The following RBFOX1 variants were observed in gnomAD, a reference collection of about 807,000 sequenced individuals.
The protein encoded by RBFOX1 is RNA binding protein fox-1 homolog 1.
Under a neutral mutation model 57.7 loss-of-function variants are expected in RBFOX1, and 8 were observed. The observed-to-expected ratio is 0.14, with a 90% CI of 0.08 to 0.25. The LOEUF is 0.25. RBFOX1 is among the 10% of genes least tolerant of loss of function. RBFOX1 has a pLI of 1.00. For synonymous variants in RBFOX1, 326 were observed against 222.4 expected (o/e 1.47, Z -4.15); for missense variants, 611 against 548.5 (o/e 1.11, Z -1.14).
At position 5,413,626 on chromosome 16, in the gene RBFOX1, A is replaced by G. The variant is rs751325268; in HGVS notation, c.220-53590A>G. 2.0e-5 allele frequency among the ~76,000 whole-genome samples: 3 copies of G among 152,118 alleles called. No homozygotes were observed. In the East Asian group the frequency reaches 5.8e-4, roughly 29 times the overall value. ...CAGTGCCTGTCTAGGGCATTTATTC[A>G]TTCGTTTAACTCTCATTACTGAGGA... On this transcript the variant is annotated intron_variant, in intron 1 of 2. Transcript: ENST00000585867.
intron 3 of RBFOX1, among the ~76,000 whole-genome samples, chr16:6,679,471 T>G (rs2058282042): frequency 6.6e-6 from 1 of 152,258 alleles, no homozygotes; most frequent in South Asian, 2.1e-4. Context: ...TTCTTTGACC[T>G]GGGAAGTTTC....
At chr16:5,588,606 G>C (rs771243857) in intron 2 of RBFOX1, among the ~76,000 whole-genome samples, 3 of 152,128 alleles carry the variant, frequency 2.0e-5, no homozygotes, top group Non-Finnish European at 2.9e-5. Flanking sequence ...CGTATTTAAG[G>C]GCAACAGTCC....
rs139440108 is a variant in RBFOX1 at position 6,971,020 on chromosome 16, T to C, written c.-15-81037T>C. Among the ~76,000 whole-genome samples the C allele has an allele frequency of 1.1e-4, 16 of 152,290 alleles. 1 individual carries two copies. The East Asian group carries it at 3.1e-3, about 29-fold the overall frequency. ...GTTTAACAGTTTCCTTCAACAGATA[T>C]TTCTTGAGAACCATACTATCTAATC... On this transcript the variant is annotated intron_variant, in intron 3 of 15. Transcript: ENST00000550418.
intron 10 of RBFOX1, among the ~76,000 whole-genome samples, chr16:7,624,059 C>A (rs1182028716): frequency 4.6e-5 from 7 of 152,136 alleles, no homozygotes; most frequent in African/African-American, 1.7e-4. Context: ...TGTTTTTCAT[C>A]TAAAATTTAC....
At chr16:7,327,402 T>C (rs1222109177) in intron 4 of RBFOX1, among the ~76,000 whole-genome samples, 2 of 152,222 alleles carry the variant, frequency 1.3e-5, no homozygotes, top group African/African-American at 4.8e-5. Flanking sequence ...CCTCAGATGC[T>C]GTAGGAAATT....
intron 3 of RBFOX1, among the ~76,000 whole-genome samples, chr16:6,862,597 G>A (rs1031459513): frequency 6.6e-6 from 1 of 152,172 alleles, no homozygotes; most frequent in Non-Finnish European, 1.5e-5. Context: ...TCATGTTACA[G>A]GCAGAGGAAG....
intron 2 of RBFOX1, among the ~76,000 whole-genome samples, chr16:5,549,719 G>A (rs1048473329): frequency 3.3e-5 from 5 of 152,156 alleles, no homozygotes; most frequent in African/African-American, 1.2e-4. Context: ...CATACATTAA[G>A]TGGTTAAGAA....
chr16:5,992,276 T>C (rs1483549265), intron 4 of RBFOX1, among the ~76,000 whole-genome samples: 1 of 152,206 alleles, frequency 6.6e-6, no homozygotes, highest in Non-Finnish European at 1.5e-5. Context: ...ATGATACAGC[T>C]GCAGTGGGAT....
chr16:7,329,572 G>A (rs150786588), intron 4 of RBFOX1, among the ~76,000 whole-genome samples: 18 of 152,286 alleles, frequency 1.2e-4, no homozygotes, highest in African/African-American at 3.4e-4. Context: ...TTTATTTACA[G>A]GCTTTATGAT....
At chr16:6,249,592 C>T (rs75017966) in intron 1 of RBFOX1, among the ~76,000 whole-genome samples, 9,366 of 151,970 alleles carry the variant, frequency 0.062, 423 homozygotes, top group East Asian at 0.19. Context: ...CTGAAAGCAG[C>T]CAGCATAGGT....
At chr16:6,073,019 G>A (rs2095855252) in intron 1 of RBFOX1, among the ~76,000 whole-genome samples, 1 of 152,148 alleles carries the variant, frequency 6.6e-6, no homozygotes, top group Admixed American at 6.5e-5. Flanking sequence ...TTATGTGAAA[G>A]GCTAGTGTAT....
intron 2 of RBFOX1, among the ~76,000 whole-genome samples, chr16:6,501,233 G>A (rs2095912221): frequency 6.8e-6 from 1 of 147,556 alleles, no homozygotes; most frequent in African/African-American, 2.5e-5. Flanking sequence ...TTGGTGTGCT[G>A]CACCCATCAA....
intron 1 of RBFOX1, among the ~76,000 whole-genome samples, chr16:6,142,224 C>CTTT (rs796460008): frequency 9.7e-6 from 1 of 103,016 alleles, no homozygotes; most frequent in Non-Finnish European, 2.0e-5. Flanking sequence ...AAATCCAACT[C>CTTT]TTTTTTTTTT....
intron 1 of RBFOX1, among the ~76,000 whole-genome samples, chr16:5,418,103 A>AAC (rs772473404): frequency 6.6e-6 from 1 of 152,032 alleles, no homozygotes; most frequent in East Asian, 1.9e-4. Flanking sequence ...CAACAACAAC[A>AAC]AATCTGTAAA....
chr16:7,011,749 C>T (rs1409917373), intron 3 of RBFOX1, among the ~76,000 whole-genome samples: 1 of 152,116 alleles, frequency 6.6e-6, no homozygotes, highest in African/African-American at 2.4e-5. Context: ...CTCCTGACCT[C>T]GTGATCCGCC....
chr16:6,133,240 C>T (rs1030846320), intron 1 of RBFOX1, among the ~76,000 whole-genome samples: 2 of 152,138 alleles, frequency 1.3e-5, no homozygotes, highest in Non-Finnish European at 2.9e-5. Context: ...CAAAAGTCCC[C>T]TGATTGCTCC....
At chr16:5,330,055 A>G (rs919677746) in intron 1 of RBFOX1, among the ~76,000 whole-genome samples, 7 of 152,020 alleles carry the variant, frequency 4.6e-5, no homozygotes, top group South Asian at 4.2e-4. Flanking sequence ...CACATGGTAC[A>G]AGGGACCCGT....
intron 2 of RBFOX1, among the ~76,000 whole-genome samples, chr16:6,490,967 A>G (rs1158126958): frequency 6.6e-6 from 1 of 152,198 alleles, no homozygotes; most frequent in Non-Finnish European, 1.5e-5. Flanking sequence ...TGGTTCAGGA[A>G]ATGGTTTAAA....
chr16:5,997,128 C>G (rs979438182), intron 4 of RBFOX1, among the ~76,000 whole-genome samples: 1 of 150,850 alleles, frequency 6.6e-6, no homozygotes, highest in Non-Finnish European at 1.5e-5. Context: ...CTGGTGCTCT[C>G]CATTGTCCAA....
Sources: gnomAD v4.1 joint callset for allele counts (sites outside exome capture counted in the v4.1 genomes callset) on GRCh38, gnomAD v4.1.1 for gene constraint, MANE v1.5 for transcripts, NCBI Gene and HGNC (gene_info 2026-07-23, HGNC 2026-07-21) for gene names.